DGKG: variants seen among roughly 807,000 people sequenced by gnomAD.
DGKG encodes the protein DAG kinase gamma.
A neutral mutation model predicts 105.3 loss-of-function variants in DGKG; 78 were observed. That is an observed-to-expected ratio of 0.74 (90% CI 0.62 to 0.89). DGKG has a LOEUF of 0.89. DGKG is among the 40% of genes least tolerant of loss of function. The probability of loss-of-function intolerance (pLI) is 0.00; values close to 1 mark genes in which losing one functional copy is unlikely to be tolerated. For synonymous variants in DGKG, 346 were observed against 367.1 expected, an observed-to-expected ratio of 0.94 and a Z score of 0.66; for missense variants, 958 against 1,020.1, an observed-to-expected ratio of 0.94 and a Z score of 0.83.
chr3:186,164,737 T>C (rs1716453910), intron 23 of DGKG, among the ~76,000 whole-genome samples, 161 bp downstream of exon 23: 1 of 152,264 alleles, frequency 6.6e-6, no homozygotes, highest in South Asian at 2.1e-4. Context: ...CATTATATCC[T>C]GTTTGGGAAA....
chr3:186,350,123 C>T (rs1726557832), intron 1 of DGKG, among the ~76,000 whole-genome samples: 1 of 152,114 alleles, frequency 6.6e-6, no homozygotes, highest in Non-Finnish European at 1.5e-5. Flanking sequence ...CTCCTGACCT[C>T]TGGTGATCCA....
intron 3 of DGKG, among the ~76,000 whole-genome samples, chr3:186,299,582 C>T (rs939557604): frequency 6.6e-6 from 1 of 152,120 alleles, no homozygotes; most frequent in African/African-American, 2.4e-5. Context: ...GACAGCTACC[C>T]ATCTCTCTGT....
intron 24 of DGKG, among the ~76,000 whole-genome samples, chr3:186,151,718 G>A (rs1043361545): frequency 2.8e-4 from 43 of 152,142 alleles, no homozygotes; most frequent in African/African-American, 1.0e-3. Flanking sequence ...GAGTTTGAGG[G>A]AAATTATTTA....
chr3:186,338,183 A>AG (rs1396411459), intron 1 of DGKG, among the ~76,000 whole-genome samples: 1 of 151,810 alleles, frequency 6.6e-6, no homozygotes, highest in African/African-American at 2.4e-5. Context: ...AAAAAAAAAA[A>AG]AAAAAGAAAG....
At chr3:186,340,214 A>T (rs745662172) in intron 1 of DGKG, among the ~76,000 whole-genome samples, 1 of 152,194 alleles carries the variant, frequency 6.6e-6, no homozygotes, top group Non-Finnish European at 1.5e-5. Context: ...CAGCTGTAGA[A>T]GACAAAACAT....
intron 5 of DGKG, among the ~76,000 whole-genome samples, chr3:186,297,068 T>TCTCTCTCTCTCTCTCACACACACACACA (rs1452573661): frequency 1.5e-5 from 2 of 130,420 alleles, no homozygotes; most frequent in African/African-American, 5.8e-5. Context: ...TCTGTCTCTC[T>TCTCTCTCTCTCTCTCACACACACACACA]CACACACACA....
At chr3:186,344,042 A>G (rs928512931) in intron 1 of DGKG, among the ~76,000 whole-genome samples, 1 of 152,218 alleles carries the variant, frequency 6.6e-6, no homozygotes, top group African/African-American at 2.4e-5. Context: ...GCCATCTCAC[A>G]CCAGTCAGAA....
chr3:186,273,562 A>G lies in DGKG; in HGVS notation c.911-1219T>C, dbSNP rs567725494. Among the ~76,000 whole-genome samples the G allele has an allele frequency of 2.2e-4, 34 of 151,592 alleles. No individual in the cohort carries two copies. The South Asian group carries it at 5.2e-3, about 23-fold the overall frequency. The stretch of plus-strand genomic sequence containing the variant: ...GCTAATTTTTGTATTTTTAGTAGGG[A>G]CGGGGTTTCACCATGTTGGCCAAGA... On this transcript the variant is annotated intron_variant, in intron 10 of 24. Coordinates refer to ENST00000265022, the MANE Select transcript of DGKG (RefSeq NM_001346.3).
Position 186,279,880 on chromosome 3 carries a change from A to G in DGKG, c.763T>C (p.Leu255=), listed in dbSNP as rs1446545557. ...WVHGGMTTIP[L]LVLLGMDDSG... is the part of the protein sequence containing the mutation. ...TCATCCATCCCCAGGAGGACCAGCA[A>G]TGGGATGGTGGTCATCCCTCCATGG... Residue 255 remains leucine, a synonymous_variant, in exon 9 of 25, where the codon TTG becomes CTG. Transcript: ENST00000265022. 3 of 1,613,754 alleles carry G rather than the reference A, an allele frequency of 1.9e-6. No individual in the cohort carries two copies. The highest frequency in any genetic ancestry group is 2.5e-6 in the Non-Finnish European group (3 of 1,179,864).
Position 186,275,643 on chromosome 3 carries a change from GC to G in DGKG, c.813del (p.His272ThrfsTer5). On this transcript the variant is annotated frameshift_variant, in exon 10 of 25. Coordinates refer to ENST00000265022, the MANE Select transcript of DGKG (RefSeq NM_001346.3). LOFTEE classifies it high-confidence loss of function. ...MDDSGSKGDG[R>X]HAWTMKHFKK... is the part of the protein sequence containing the mutation. ...TTGAAGTGCTTCATGGTCCAGGCGT[GC>G]CGCCCATCCCCCTTGGAGCCCTGCA... The G allele has an allele frequency of 6.2e-7, 1 of 1,613,898 alleles. No homozygotes were observed. Among genetic ancestry groups the G allele is most frequent in the Non-Finnish European group, 8.5e-7 (1 of 1,179,976 alleles).
At chr3:186,287,335 G>A (rs1453107245) in intron 6 of DGKG, among the ~76,000 whole-genome samples, 3 of 152,172 alleles carry the variant, frequency 2.0e-5, no homozygotes, top group African/African-American at 4.8e-5. Context: ...CAGATTATAT[G>A]ATGCCTGGAA....
rs532842014 is a variant in DGKG, at chr3:186,307,702, A to G, written c.68-725T>C. Reference sequence around the variant, plus strand: ...TGACGTGTAACTAGGGCTCAGAAAAACAATATGTAGATGAGTATATAAACA... The same window carrying G: ...TGACGTGTAACTAGGGCTCAGAAAAGCAATATGTAGATGAGTATATAAACA... On this transcript the variant is annotated intron_variant, in intron 2 of 24. Coordinates refer to ENST00000265022, the MANE Select transcript of DGKG (RefSeq NM_001346.3). 2.0e-5 allele frequency among the ~76,000 whole-genome samples: 3 copies of G among 152,344 alleles called. No homozygotes were observed. In the South Asian group the frequency reaches 6.2e-4, roughly 32 times the overall value.
At chr3:186,254,714 C>T (rs760680037) in intron 17 of DGKG, among the ~76,000 whole-genome samples, 1 of 152,116 alleles carries the variant, frequency 6.6e-6, no homozygotes, top group East Asian at 1.9e-4. Context: ...CCACTGGTAT[C>T]GCTGCAACAG....
chr3:186,330,088 C>G lies in DGKG; in HGVS notation c.-248-9381G>C, dbSNP rs542028729. ...TTTACATGTCCCTATAGAGGAGGAA[C>G]TGGGTGATAAAAAGAATTCAAGAAG... On this transcript the variant is annotated intron_variant, in intron 1 of 24. Transcript: ENST00000265022. Among the ~76,000 whole-genome samples, 9 of 152,226 alleles carry G rather than the reference C, an allele frequency of 5.9e-5. No individual in the cohort carries two copies. In the South Asian group the frequency reaches 1.9e-3, roughly 32 times the overall value.
chr3:186,330,309 T>G (rs897460696), intron 1 of DGKG, among the ~76,000 whole-genome samples: 5 of 152,232 alleles, frequency 3.3e-5, no homozygotes, highest in Admixed American at 2.0e-4. Context: ...TCTGATAGTA[T>G]TTTGTAAGTT....
chr3:186,204,275 G>T (rs907000833), intron 21 of DGKG, among the ~76,000 whole-genome samples: 9 of 152,084 alleles, frequency 5.9e-5, no homozygotes, highest in African/African-American at 2.2e-4. Context: ...GCATTGTGGT[G>T]TGTGCCTGTA....
intron 20 of DGKG, among the ~76,000 whole-genome samples, chr3:186,223,575 C>T (rs1403545573): frequency 2.6e-5 from 4 of 152,094 alleles, no homozygotes; most frequent in African/African-American, 9.7e-5. Context: ...ATAAATACCC[C>T]CCTTCTCTTC....
In DGKG at chr3:186,320,492, T is replaced by A. The variant is rs1390223255; in HGVS notation, c.-33A>T. 1 of 1,613,970 alleles carries A rather than the reference T, an allele frequency of 6.2e-7. No homozygotes were observed. Among genetic ancestry groups the A allele is most frequent in the Non-Finnish European group, 8.5e-7 (1 of 1,180,012 alleles). On this transcript the variant is annotated 5_prime_UTR_variant, in exon 2 of 25. Coordinates refer to ENST00000265022, the MANE Select transcript of DGKG (RefSeq NM_001346.3). ...CTTTATGTGAGTGGCTAAAGGGCAG[T>A]GATGGAGTTTTGTTCACTAGGCTGA...
intron 13 of DGKG, among the ~76,000 whole-genome samples, chr3:186,265,657 CTTTTTTTTTTTT>C (rs68014632): frequency 2.6e-5 from 2 of 77,378 alleles, no homozygotes; most frequent in Non-Finnish European, 4.7e-5. Context: ...TTCTTCCTTT[CTTTTTTTTTTTT>C]TTTTTTTTTT....
Sources: gnomAD v4.1 joint callset for allele counts (sites outside exome capture counted in the v4.1 genomes callset) on GRCh38, gnomAD v4.1.1 for gene constraint, MANE v1.5 for transcripts, NCBI Gene and HGNC (gene_info 2026-07-23, HGNC 2026-07-21) for gene names.